GNL3L: variants seen among roughly 807,000 people sequenced by gnomAD.
GNL3L encodes the protein guanine nucleotide-binding protein-like 3-like protein.
A neutral mutation model predicts 42.9 loss-of-function variants in GNL3L; 4 were observed. The ratio of observed to expected loss-of-function variants is 0.09; its 90% CI spans 0.05 to 0.21. GNL3L has a LOEUF of 0.21. GNL3L is among the 10% of genes least tolerant of loss of function. GNL3L has a pLI of 1.00. For synonymous variants in GNL3L, 159 were observed against 176.3 expected (o/e 0.90, Z 0.78); for missense variants, 412 against 481.7 (o/e 0.86, Z 1.36).
chrX:54,537,977 T>C (rs1345073548), intron 2 of GNL3L, among the ~76,000 whole-genome samples: 1 of 111,409 alleles, frequency 9.0e-6, no homozygotes, highest in Non-Finnish European at 1.9e-5. Flanking sequence ...TGAAGTATCT[T>C]CTTGATTCTC....
intron 16 of GNL3L, among the ~76,000 whole-genome samples, chrX:54,597,184 C>T (rs1347270930): frequency 9.0e-6 from 1 of 111,568 alleles, no homozygotes; most frequent in Non-Finnish European, 1.9e-5. Context: ...GAGTCTCACC[C>T]AAGGCCACTG....
At position 54,564,385 on chromosome X, in the gene GNL3L, GT is replaced by G. The variant is rs1419944298; in HGVS notation, c.*3790del. 2.0e-5 allele frequency among the ~76,000 whole-genome samples: 2 copies of G among 101,166 alleles called. No individual in the cohort carries two copies. Among genetic ancestry groups the G allele is most frequent in the Admixed American group, 1.1e-4 (1 of 9,078 alleles). 87.9% of individuals were successfully genotyped at this position (101,166 alleles called of 115,157 possible). On this transcript the variant is annotated 3_prime_UTR_variant, in exon 16 of 16. Coordinates refer to ENST00000360845, the MANE Select transcript of GNL3L (RefSeq NM_001184819.2). The stretch of plus-strand genomic sequence containing the variant: ...TACACCCAAACCCTGGCAGTCACTG[GT>G]TTTTTTCTTCGTTCTCTTTTTTTTT...
At chrX:54,629,036 G>A in the GNL3L span, among the ~76,000 whole-genome samples, 1 of 105,349 alleles carries the variant, frequency 9.5e-6, no homozygotes, top group Admixed American at 1.1e-4. Context: ...TTGTAAAAGG[G>A]GTTGAGTTCT....
intron 8 of GNL3L, among the ~76,000 whole-genome samples, chrX:54,546,700 G>A (rs910134797): frequency 8.9e-6 from 1 of 111,942 alleles, no homozygotes; most frequent in Non-Finnish European, 1.9e-5. Context: ...AGGCCGGAGT[G>A]GGATGGCACG....
intron 13 of GNL3L, 145 bp from the exon 14 acceptor site, chrX:54,554,420 G>T: frequency 2.1e-6 from 1 of 471,504 alleles, no homozygotes; most frequent in South Asian, 3.8e-5. Context: ...AATTCTTGGT[G>T]ATGTGGCCTC....
chrX:54,543,069 G>A (rs765637571), intron 6 of GNL3L, 31 bp downstream of exon 6: 14 of 1,091,336 alleles, frequency 1.3e-5, no homozygotes, highest in African/African-American at 3.7e-5. Flanking sequence ...AGGCTTTTGC[G>A]GGAGGGTTCC....
rs772724542 is a variant in GNL3L, at chrX:54,545,116, G to A, written c.630+790G>A. On this transcript the variant is annotated intron_variant, in intron 8 of 15. Transcript: ENST00000360845. ...TTTTTAGTAGACACGGGGTTTCGCC[G>A]TGTTGGCCGGGCTGGTCTCAAGCTC... Among the ~76,000 whole-genome samples, 13 of 111,372 alleles carry A rather than the reference G, an allele frequency of 1.2e-4. No homozygotes were observed. The East Asian group carries it at 3.1e-3, about 27-fold the overall frequency.
chrX:54,551,092 C>T lies in GNL3L; in HGVS notation c.863+42C>T, dbSNP rs771658028. ...TCCTCCACTCCACAATTCCTTGACC[C>T]TACCATTTCCCCCCAACTCCCATGC... On this transcript the variant is annotated intron_variant, in intron 10 of 15. Transcript: ENST00000360845. The T allele has an allele frequency of 1.4e-4, 95 of 701,466 alleles. No individual in the cohort carries two copies. In the South Asian group the frequency reaches 2.0e-3, roughly 15 times the overall value. The allele number at this position is 701,466 out of a possible 1,213,427, so 57.8% of individuals were successfully genotyped here. A position where few individuals can be genotyped will look rare whatever the true frequency, so the allele number is the denominator to read the frequency against.
intron 13 of GNL3L, 44 bp downstream of exon 13, chrX:54,552,472 G>T (rs1226349027): frequency 8.7e-7 from 1 of 1,155,612 alleles, no homozygotes; most frequent in East Asian, 3.0e-5. Context: ...GCACTAGTGG[G>T]GCCACACAGA....
Position 54,548,234 on chromosome X carries a change from T to C in GNL3L, c.636T>C (p.Arg212=). The change falls in exon 9 of 16, where the codon CGT becomes CGC. Residue 212 remains arginine, a synonymous_variant. Transcript: ENST00000360845. The part of the protein sequence containing the change: ...STQHQVKNLN[R]CSVPVDQASE... ...TATTCAATTTTTTTTTCCAGAATCG[T>C]TGCAGTGTGCCAGTAGATCAGGCCT... The C allele has an allele frequency of 3.3e-6, 4 of 1,206,307 alleles. No individual in the cohort carries two copies. The highest frequency in any genetic ancestry group is 4.5e-6 in the Non-Finnish European group (4 of 890,707).
At chrX:54,618,205 C>T (rs1014879717) in intron 16 of GNL3L, among the ~76,000 whole-genome samples, 1 of 110,756 alleles carries the variant, frequency 9.0e-6, no homozygotes, top group African/African-American at 3.3e-5. Context: ...ATTTGAAGGC[C>T]TCCTGATTAT....
intron 16 of GNL3L, among the ~76,000 whole-genome samples, chrX:54,595,955 A>G (rs967178883): frequency 1.8e-5 from 2 of 112,004 alleles, no homozygotes; most frequent in South Asian, 7.4e-4. Context: ...CTGGAGTTTG[A>G]GTTTGCTCCA....
Position 54,565,614 on chromosome X carries a change from T to C in GNL3L, c.*5012T>C, listed in dbSNP as rs959220314. ...TCTCCCAAAGTGCTAGGATTACAGG[T>C]GTGAGCCACCATGCCCAGCCAGGTT... On this transcript the variant is annotated 3_prime_UTR_variant, in exon 16 of 16. Coordinates refer to ENST00000360845, the MANE Select transcript of GNL3L (RefSeq NM_001184819.2). Among the ~76,000 whole-genome samples, 2 of 110,912 alleles carry C rather than the reference T, an allele frequency of 1.8e-5. No homozygotes were observed. Among genetic ancestry groups the C allele is most frequent in the Non-Finnish European group, 3.8e-5 (2 of 52,976 alleles).
At chrX:54,572,518 G>A (rs1925562986) in intron 16 of GNL3L, among the ~76,000 whole-genome samples, 1 of 112,085 alleles carries the variant, frequency 8.9e-6, no homozygotes, top group African/African-American at 3.2e-5. Flanking sequence ...ATGAGCTGTT[G>A]GGCACACCTC....
rs767387515 is a variant in GNL3L, at chrX:54,536,784, C to CAAA, written c.20-2243_20-2241dup. On this transcript the variant is annotated intron_variant, in intron 2 of 15. Coordinates refer to ENST00000360845, the MANE Select transcript of GNL3L (RefSeq NM_001184819.2). The stretch of plus-strand genomic sequence containing the variant: ...TGGGCAACAGAGCGAGACTTTGTCT[C>CAAA]AAAAAAAAAAAAAAACAGAGAGAGA... Among the ~76,000 whole-genome samples, 205 of 37,114 alleles carry CAAA rather than the reference C, an allele frequency of 5.5e-3. 3 individuals carry two copies. The highest frequency in any genetic ancestry group is 0.014 in the African/African-American group (197 of 14,253). 32.2% of individuals were successfully genotyped at this position (37,114 alleles called of 115,157 possible). A position where few individuals can be genotyped will look rare whatever the true frequency, so the allele number is the denominator to read the frequency against.
chrX:54,580,647 C>T (rs1269200040), intron 16 of GNL3L, among the ~76,000 whole-genome samples: 1 of 111,822 alleles, frequency 8.9e-6, no homozygotes, highest in Non-Finnish European at 1.9e-5. Context: ...TTCTCCACAT[C>T]CTCTCCAGCA....
At chrX:54,568,324 T>A (rs1007109387), downstream of GNL3L, among the ~76,000 whole-genome samples, 1 of 111,447 alleles carries the variant, frequency 9.0e-6, no homozygotes, top group Non-Finnish European at 1.9e-5. Flanking sequence ...CTGTAAAAAA[T>A]TAGCACAGAC....
rs891456572 is a variant in GNL3L at position 54,540,381 on chromosome X, C to A, written c.189+139C>A. 3 of 475,729 alleles carry A rather than the reference C, an allele frequency of 6.3e-6. No individual in the cohort carries two copies. In the African/African-American group the frequency reaches 7.2e-5, roughly 11 times the overall value. The allele number at this position is 475,729 out of a possible 1,213,427, so 39.2% of individuals were successfully genotyped here. ...TGGAAGCCGGGAGAGAGGGAGGTTA[C>A]CATGATACTGGATTTATGTCTGCGT... On this transcript the variant is annotated intron_variant, in intron 4 of 15. Coordinates refer to ENST00000360845, the MANE Select transcript of GNL3L (RefSeq NM_001184819.2).
At chrX:54,605,916 A>G (rs1366936557) in intron 16 of GNL3L, among the ~76,000 whole-genome samples, 1 of 111,198 alleles carries the variant, frequency 9.0e-6, no homozygotes, top group Non-Finnish European at 1.9e-5. Flanking sequence ...TTGCACTCAC[A>G]CTTTGTTTTA....
Sources: allele counts gnomAD v4.1 joint callset (sites outside exome capture counted in the v4.1 genomes callset), GRCh38; gene constraint gnomAD v4.1.1; transcripts MANE v1.5; gene names NCBI Gene and HGNC (gene_info 2026-07-23, HGNC 2026-07-21).